The following ZNF207 variants were observed in gnomAD, a reference collection of about 807,000 sequenced individuals.
ZNF207 encodes BUB3-interacting and GLEBS motif-containing protein ZNF207.
In ZNF207, 24 loss-of-function variants were observed where a neutral mutation model predicts 60.2. That is an observed-to-expected ratio of 0.40 (90% CI 0.29 to 0.56). The LOEUF is 0.56. Ranked by LOEUF, ZNF207 falls within the 20% of genes least tolerant of loss-of-function variation. The pLI is 0.49. For synonymous variants in ZNF207, 236 were observed against 194.7 expected (o/e 1.21, Z -1.77); for missense variants, 452 against 636.6 (o/e 0.71, Z 3.12).
chr17:32,370,644 G>A lies in ZNF207; in HGVS notation c.*885G>A, dbSNP rs532975354. On this transcript the variant is annotated 3_prime_UTR_variant, in exon 12 of 12. Coordinates refer to ENST00000394670, the MANE Select transcript of ZNF207 (RefSeq NM_001098507.2). ...CCTCTATGGTGTCAGTACACATCAC[G>A]TGTCATAGATACTTAAAATGTAAAT... 2.6e-5 allele frequency: 4 copies of A among 152,258 alleles called. No individual in the cohort carries two copies. The highest frequency in any genetic ancestry group is 4.4e-5 in the Non-Finnish European group (3 of 68,024). The allele number at this position is 152,258 out of a possible 1,614,324, so 9.4% of individuals were successfully genotyped here. A position where few individuals can be genotyped will look rare whatever the true frequency, so the allele number is the denominator to read the frequency against.
intron 2 of ZNF207, among the ~76,000 whole-genome samples, chr17:32,355,595 G>T (rs910953047): frequency 6.6e-6 from 1 of 152,136 alleles, no homozygotes; most frequent in Admixed American, 6.5e-5. Context: ...AAATTTGGAC[G>T]CATACAATGT....
Position 32,353,811 on chromosome 17 carries a change from C to CAAAAAA in ZNF207, c.168+1919_168+1924dup, listed in dbSNP as rs536502166. Among the ~76,000 whole-genome samples the CAAAAAA allele has an allele frequency of 6.3e-5, 7 of 110,530 alleles. 1 individual carries two copies. Among genetic ancestry groups the CAAAAAA allele is most frequent in the African/African-American group, 2.0e-4 (5 of 25,506 alleles). The allele number at this position is 110,530 out of a possible 152,430, so 72.5% of individuals were successfully genotyped here. On this transcript the variant is annotated intron_variant, in intron 2 of 11. Transcript: ENST00000394670. ...GCCTGGGTGACAGAGACTCTGTCTC[C>CAAAAAA]AAAAAAAAAAAAAAAAAAAAAAAAA... is the stretch of plus-strand genomic sequence containing the variant.
At chr17:32,357,922 G>C (rs1904646407) in intron 2 of ZNF207, among the ~76,000 whole-genome samples, 1 of 152,004 alleles carries the variant, frequency 6.6e-6, no homozygotes, top group Admixed American at 6.6e-5. Context: ...TGGGATTACA[G>C]GCAGACCCCA....
At chr17:32,365,520 A>G in intron 8 of ZNF207, 33 bp downstream of exon 8, 1 of 1,604,568 alleles carries the variant, frequency 6.2e-7, no homozygotes, top group Non-Finnish European at 8.5e-7. Context: ...GAGTGCACTT[A>G]TATTTAAAGA....
At chr17:32,351,374 T>A in intron 1 of ZNF207, 1 of 1,000,898 alleles carries the variant, frequency 1.0e-6, no homozygotes, top group Non-Finnish European at 1.3e-6. Context: ...AAATTCCTAA[T>A]CCAGTTATTG....
chr17:32,363,473 A>G (rs1422020092), intron 7 of ZNF207, among the ~76,000 whole-genome samples: 2 of 145,824 alleles, frequency 1.4e-5, no homozygotes, highest in Non-Finnish European at 3.0e-5. Flanking sequence ...TCACATACTT[A>G]GAGCGCTTGT....
At chr17:32,355,719 T>G (rs1431720932) in intron 2 of ZNF207, among the ~76,000 whole-genome samples, 2 of 152,114 alleles carry the variant, frequency 1.3e-5, no homozygotes, top group Non-Finnish European at 2.9e-5. Flanking sequence ...GGTCAGGAGA[T>G]TAAAAGGAAT....
intron 8 of ZNF207, 65 bp from the exon 9 acceptor site, chr17:32,366,600 C>T (rs1905174056): frequency 1.0e-5 from 14 of 1,381,460 alleles, no homozygotes; most frequent in Non-Finnish European, 1.4e-5. Context: ...AAAAGTCTAC[C>T]ACATGGCTTA....
rs763127163 is a variant in ZNF207 at position 32,369,740 on chromosome 17, C to T, written c.1466C>T (p.Ser489Leu). 6 of 1,548,628 alleles carry T rather than the reference C, an allele frequency of 3.9e-6. No homozygotes were observed. Among genetic ancestry groups the T allele is most frequent in the African/African-American group, 1.4e-5 (1 of 72,416 alleles). Residue 489 changes from serine to leucine, a missense_variant, in exon 12 of 12, where the codon TCG becomes TTG. Physicochemically the swap from Ser to Leu is moderately radical, Grantham distance 145. Transcript: ENST00000394670. ...ATGGGAATGAGACCTCCTGTAATGT[C>T]GCAAGGTGGCCGTTACTGATCTTAC... Reference protein sequence around the residue: ...PPMGMRPPVMSQGGRY With the variant: ...PPMGMRPPVMLQGGRY
chr17:32,351,656 A>G (rs778748523), intron 1 of ZNF207, 130 bp from the exon 2 acceptor site: 106 of 1,576,090 alleles, frequency 6.7e-5, no homozygotes, highest in Non-Finnish European at 9.0e-5. Context: ...TGTAATAAAT[A>G]TAAAAAGCAG....
Position 32,361,261 on chromosome 17 carries a change from A to G in ZNF207, c.552-207A>G, listed in dbSNP as rs912294669. 4 of 573,184 alleles carry G rather than the reference A, an allele frequency of 7.0e-6. No individual in the cohort carries two copies. The African/African-American group carries it at 7.5e-5, about 11-fold the overall frequency. The allele number at this position is 573,184 out of a possible 1,614,324, so 35.5% of individuals were successfully genotyped here. On this transcript the variant is annotated intron_variant, in intron 5 of 11. Transcript: ENST00000394670. Reference sequence around the variant, plus strand: ...ATTTGCGTTTCTGAGATTCAGAATTATCTGTGACACTTTGTAGTTGTGACA... The same window carrying G: ...ATTTGCGTTTCTGAGATTCAGAATTGTCTGTGACACTTTGTAGTTGTGACA...
In ZNF207 at chr17:32,372,899, T is replaced by G. The variant is rs1250833462; in HGVS notation, c.*3140T>G. On this transcript the variant is annotated 3_prime_UTR_variant, in exon 12 of 12. Coordinates refer to ENST00000394670, the MANE Select transcript of ZNF207 (RefSeq NM_001098507.2). ...AGGCAGGCATTGTGATTGTCATAATTAAGGAAGCTGTAAGGTTAGTAGGGC... is the reference window on the plus strand; with the variant it reads ...AGGCAGGCATTGTGATTGTCATAATGAAGGAAGCTGTAAGGTTAGTAGGGC... The G allele has an allele frequency of 6.6e-6, 1 of 152,238 alleles. No individual in the cohort carries two copies. The highest frequency in any genetic ancestry group is 6.5e-5 in the Admixed American group (1 of 15,278). The allele number at this position is 152,238 out of a possible 1,614,324, so 9.4% of individuals were successfully genotyped here. A position where few individuals can be genotyped will look rare whatever the true frequency, so the allele number is the denominator to read the frequency against.
chr17:32,352,310 T>TG (rs892472376), intron 2 of ZNF207, among the ~76,000 whole-genome samples: 11 of 149,270 alleles, frequency 7.4e-5, no homozygotes, highest in Admixed American at 1.3e-4. Flanking sequence ...TGTAGTTTTG[T>TG]TTTTTTTTTG....
chr17:32,363,195 C>T (rs1026514089), intron 7 of ZNF207, among the ~76,000 whole-genome samples: 1 of 152,146 alleles, frequency 6.6e-6, no homozygotes. Context: ...TCAGGCGATT[C>T]TTCTGCCTCA....
rs914056438 is a variant in ZNF207 at position 32,379,083 on chromosome 17, T to G, written c.*9324T>G. The G allele has an allele frequency of 2.0e-5, 3 of 152,116 alleles. No homozygotes were observed. The highest frequency in any genetic ancestry group is 4.4e-5 in the Non-Finnish European group (3 of 67,948). The allele number at this position is 152,116 out of a possible 1,614,324, so 9.4% of individuals were successfully genotyped here. ...ATATATCTTACAAGATAACCACTTG[T>G]TTTTTAATGTAAAATTGCACAAGGG... On this transcript the variant is annotated 3_prime_UTR_variant, in exon 12 of 12. Transcript: ENST00000394670.
intron 2 of ZNF207, among the ~76,000 whole-genome samples, chr17:32,355,175 A>G (rs1036860069): frequency 2.0e-5 from 3 of 152,170 alleles, no homozygotes; most frequent in Non-Finnish European, 4.4e-5. Flanking sequence ...TGGACTAATC[A>G]CTTGATCCTA....
In ZNF207 at chr17:32,373,290, C is replaced by G; in HGVS notation, c.*3531C>G. ...ACAATAGTTAAAAACAAAGCTGCTC[C>G]TTTTGCTTGCTTGATCATTGGGATT... On this transcript the variant is annotated 3_prime_UTR_variant, in exon 12 of 12. Transcript: ENST00000394670. 1 of 566,330 alleles carries G rather than the reference C, an allele frequency of 1.8e-6. No individual in the cohort carries two copies. Among genetic ancestry groups the G allele is most frequent in the East Asian group, 2.8e-5 (1 of 35,114 alleles). 35.1% of individuals were successfully genotyped at this position (566,330 alleles called of 1,614,324 possible). A position where few individuals can be genotyped will look rare whatever the true frequency, so the allele number is the denominator to read the frequency against.
Position 32,350,285 on chromosome 17 carries a change from T to A in ZNF207, c.-1T>A. 1 of 1,614,094 alleles carries A rather than the reference T, an allele frequency of 6.2e-7. No homozygotes were observed. Among genetic ancestry groups the A allele is most frequent in the Non-Finnish European group, 8.5e-7 (1 of 1,180,006 alleles). On this transcript the variant is annotated 5_prime_UTR_variant, in exon 1 of 12. Coordinates refer to ENST00000394670, the MANE Select transcript of ZNF207 (RefSeq NM_001098507.2). ...TTTTACTTTGCCGGTAGAACACAGT[T>A]ATGGGTCGCAAGAAGAAGAAGCAGC...
intron 3 of ZNF207, among the ~76,000 whole-genome samples, chr17:32,360,021 C>T (rs1040325943): frequency 6.6e-6 from 1 of 152,084 alleles, no homozygotes; most frequent in Non-Finnish European, 1.5e-5. Flanking sequence ...CCATTTGGAT[C>T]ATTCCATTTT....
Sources: gnomAD v4.1 joint callset for allele counts (sites outside exome capture counted in the v4.1 genomes callset) on GRCh38, gnomAD v4.1.1 for gene constraint, MANE v1.5 for transcripts, NCBI Gene and HGNC (gene_info 2026-07-23, HGNC 2026-07-21) for gene names.